The following RASGRP3 variants were observed in gnomAD, a reference collection of about 807,000 sequenced individuals.
The protein encoded by RASGRP3 is ras guanyl-releasing protein 3.
RASGRP3 carries 54 observed loss-of-function variants against 82.7 expected under a neutral mutation model. The observed-to-expected ratio is 0.65, with a 90% CI of 0.52 to 0.82. RASGRP3 has a LOEUF of 0.82. RASGRP3 is among the 40% of genes least tolerant of loss of function. RASGRP3 has a pLI of 0.00. For missense variants in RASGRP3, 861 were observed against 828.9 expected (o/e 1.04, Z -0.48); for synonymous variants, 309 against 300.5 (o/e 1.03, Z -0.29).
At chr2:33,529,222 T>C (rs142236772) in intron 10 of RASGRP3, among the ~76,000 whole-genome samples, 140 of 152,088 alleles carry the variant, frequency 9.2e-4, no homozygotes, top group Middle Eastern at 6.8e-3. Flanking sequence ...TGGCTGGGCG[T>C]GGTGGCTCAA....
intron 6 of RASGRP3, among the ~76,000 whole-genome samples, 165 bp from the exon 7 acceptor site, chr2:33,521,790 G>A (rs146975404): frequency 1.1e-4 from 16 of 152,354 alleles, no homozygotes; most frequent in African/African-American, 3.6e-4. Context: ...TTTATGTTCT[G>A]TTGGCAACTG....
chr2:33,512,376 T>TCTA (rs1247489763), intron 2 of RASGRP3, among the ~76,000 whole-genome samples: 1 of 152,206 alleles, frequency 6.6e-6, no homozygotes, highest in East Asian at 1.9e-4. Flanking sequence ...AAGTAATATG[T>TCTA]CTACTCTTCC....
intron 1 of RASGRP3, among the ~76,000 whole-genome samples, chr2:33,477,820 C>T (rs1667512962): frequency 6.6e-6 from 1 of 152,122 alleles, no homozygotes; most frequent in African/African-American, 2.4e-5. Flanking sequence ...CAAACAGGTT[C>T]CTGTTTCTGG....
chr2:33,505,643 T>C (rs1232730621), intron 1 of RASGRP3, among the ~76,000 whole-genome samples: 3 of 152,196 alleles, frequency 2.0e-5, no homozygotes, highest in Non-Finnish European at 2.9e-5. Context: ...GAAGAAAATA[T>C]TGATCTTTAA....
intron 1 of RASGRP3, among the ~76,000 whole-genome samples, chr2:33,483,714 C>A: frequency 6.6e-6 from 1 of 152,064 alleles, no homozygotes; most frequent in East Asian, 1.9e-4. Context: ...GTCTTGAATT[C>A]CTGACCTTAA....
rs1053819214 is a variant in RASGRP3, at chr2:33,516,488, A to C, written c.71-54A>C. On this transcript the variant is annotated intron_variant, in intron 3 of 17. Transcript: ENST00000403687. ...TACTGCGTCTCTACTGATGTTAGAA[A>C]AAGTAAAGAATAGCACTATTATCTC... The C allele has an allele frequency of 2.3e-5, 29 of 1,251,626 alleles. No homozygotes were observed. The African/African-American group carries it at 2.9e-4, about 12-fold the overall frequency. 77.5% of individuals were successfully genotyped at this position (1,251,626 alleles called of 1,614,324 possible).
intron 1 of RASGRP3, among the ~76,000 whole-genome samples, chr2:33,446,633 C>T (rs950619211): frequency 1.3e-5 from 2 of 151,988 alleles, no homozygotes; most frequent in African/African-American, 4.8e-5. Flanking sequence ...TCCAGTTCTC[C>T]TTGGAGAAAG....
At chr2:33,452,694 T>G (rs901637891) in intron 2 of RASGRP3, among the ~76,000 whole-genome samples, 4 of 152,218 alleles carry the variant, frequency 2.6e-5, no homozygotes, top group African/African-American at 9.6e-5. Context: ...GCCTGGTTAC[T>G]GGGACTTGCC....
At chr2:33,512,224 T>C (rs1670991354) in intron 2 of RASGRP3, among the ~76,000 whole-genome samples, 1 of 152,330 alleles carries the variant, frequency 6.6e-6, no homozygotes, top group South Asian at 2.1e-4. Context: ...ATCAGAAATA[T>C]AACCCTAAAC....
chr2:33,448,495 A>G (rs773466193), intron 2 of RASGRP3, among the ~76,000 whole-genome samples: 2 of 152,240 alleles, frequency 1.3e-5, no homozygotes, highest in Non-Finnish European at 2.9e-5. Context: ...AAAAGGAATG[A>G]AGTTCTCATA....
intron 2 of RASGRP3, among the ~76,000 whole-genome samples, chr2:33,513,511 G>A (rs1454623642): frequency 6.6e-6 from 1 of 152,156 alleles, no homozygotes. Flanking sequence ...ATTGCCAGTT[G>A]AATAAATAAA....
Position 33,556,890 on chromosome 2 carries a change from TACAC to T in RASGRP3, c.1580-1286_1580-1283del, listed in dbSNP as rs58614411. On this transcript the variant is annotated intron_variant, in intron 15 of 17. Coordinates refer to ENST00000403687, the MANE Select transcript of RASGRP3 (RefSeq NM_001139488.2). ...TGGTTTCTATCCTCATACCCTAAAA[TACAC>T]ACACACACACACACACACACACACA... Among the ~76,000 whole-genome samples the T allele has an allele frequency of 9.7e-3, 1,274 of 130,812 alleles. 4 individuals are homozygous for T. The highest frequency in any genetic ancestry group is 0.013 in the Admixed American group (171 of 13,088). 85.8% of individuals were successfully genotyped at this position (130,812 alleles called of 152,430 possible).
intron 11 of RASGRP3, among the ~76,000 whole-genome samples, chr2:33,537,625 T>C (rs190075632): frequency 0.017 from 2,622 of 152,198 alleles, 86 homozygotes; most frequent in African/African-American, 0.061. Flanking sequence ...CCTCCCAAAG[T>C]GCTGGGATTA....
intron 1 of RASGRP3, among the ~76,000 whole-genome samples, chr2:33,485,049 T>A (rs1379673955): frequency 1.3e-5 from 2 of 152,066 alleles, no homozygotes; most frequent in African/African-American, 4.8e-5. Flanking sequence ...AAATACAAAA[T>A]TAGCCAAGTG....
At chr2:33,555,056 T>G (rs1675791063) in intron 14 of RASGRP3, 1 of 152,968 alleles carries the variant, frequency 6.5e-6, no homozygotes, top group African/African-American at 2.4e-5. Context: ...TCATTTCCTC[T>G]TCTGTATTTT....
At chr2:33,527,116 T>G (rs746093657) in intron 9 of RASGRP3, 21 bp from the exon 10 acceptor site, 1 of 1,611,940 alleles carries the variant, frequency 6.2e-7, no homozygotes, top group Non-Finnish European at 8.5e-7. Flanking sequence ...TTGAAAATTC[T>G]ACTTTTCCAT....
intron 1 of RASGRP3, among the ~76,000 whole-genome samples, chr2:33,485,948 T>C (rs1024103068): frequency 6.6e-6 from 1 of 152,186 alleles, no homozygotes. Context: ...ACATCTAACT[T>C]GTGGAAGAGA....
At chr2:33,446,754 A>T (rs1042557961) in intron 1 of RASGRP3, among the ~76,000 whole-genome samples, 1 of 152,052 alleles carries the variant, frequency 6.6e-6, no homozygotes, top group Non-Finnish European at 1.5e-5. Flanking sequence ...TGCACATACA[A>T]ATTTCCGAGT....
At chr2:33,452,940 G>C (rs1482662097) in intron 2 of RASGRP3, among the ~76,000 whole-genome samples, 6 of 152,148 alleles carry the variant, frequency 3.9e-5, no homozygotes, top group African/African-American at 1.4e-4. Context: ...GGGCTGCTCT[G>C]GCACTGGATT....
Sources: allele counts gnomAD v4.1 joint callset (sites outside exome capture counted in the v4.1 genomes callset), GRCh38; gene constraint gnomAD v4.1.1; transcripts MANE v1.5; gene names NCBI Gene and HGNC (gene_info 2026-07-23, HGNC 2026-07-21).